ZFPM1: variants seen among roughly 807,000 people sequenced by gnomAD.
ZFPM1 encodes the protein zinc finger protein ZFPM1.
A neutral mutation model predicts 46.3 loss-of-function variants in ZFPM1; 28 were observed. That is an observed-to-expected ratio of 0.60 (90% CI 0.45 to 0.83). ZFPM1 has a LOEUF of 0.83. Ranked by LOEUF, ZFPM1 falls within the 40% of genes least tolerant of loss-of-function variation. The pLI is 0.00. For synonymous variants in ZFPM1, 957 were observed against 675.9 expected (o/e 1.42, Z -6.45); for missense variants, 1,878 against 1,432.4 (o/e 1.31, Z -5.02).
chr16:88,511,056 G>T (rs1037191408), intron 3 of ZFPM1, among the ~76,000 whole-genome samples: 2 of 152,138 alleles, frequency 1.3e-5, no homozygotes, highest in Non-Finnish European at 2.9e-5. Context: ...TCTCTGCTGG[G>T]CTCACCCAGT....
At chr16:88,502,065 C>CATTCATTCATTTATTT (rs1555525783) in intron 3 of ZFPM1, among the ~76,000 whole-genome samples, 1 of 72,904 alleles carries the variant, frequency 1.4e-5, no homozygotes, top group African/African-American at 5.1e-5. Context: ...CGCCCCCCCC[C>CATTCATTCATTTATTT]ATTTATTTAT....
At position 88,531,948 on chromosome 16, in the gene ZFPM1, C is replaced by T. The variant is rs1209142239; in HGVS notation, c.713-54C>T. ...GGCCCTGCCTCCGCCCACAGCCTTG[C>T]CCTGGCTGGCAGGCTGGCCTTCAGC... On this transcript the variant is annotated intron_variant, in intron 6 of 9. Transcript: ENST00000319555. 9 of 1,525,790 alleles carry T rather than the reference C, an allele frequency of 5.9e-6. No individual in the cohort carries two copies. The East Asian group carries it at 1.1e-4, about 19-fold the overall frequency. 94.5% of individuals were successfully genotyped at this position (1,525,790 alleles called of 1,614,324 possible). A position where few individuals can be genotyped will look rare whatever the true frequency, so the allele number is the denominator to read the frequency against.
chr16:88,481,161 C>G (rs1567532466), intron 1 of ZFPM1, among the ~76,000 whole-genome samples: 5 of 152,332 alleles, frequency 3.3e-5, no homozygotes, highest in Admixed American at 2.6e-4. Context: ...CTGTGATAAC[C>G]AAGGGGCTCC....
chr16:88,511,446 A>T (rs1017166284), intron 3 of ZFPM1, among the ~76,000 whole-genome samples: 1 of 151,962 alleles, frequency 6.6e-6, no homozygotes, highest in African/African-American at 2.4e-5. Context: ...CAGCCATTTC[A>T]GAGGCCATTT....
chr16:88,529,669 G>C lies in ZFPM1; in HGVS notation c.712+1431G>C, dbSNP rs936611862. On this transcript the variant is annotated intron_variant, in intron 6 of 9. Coordinates refer to ENST00000319555, the MANE Select transcript of ZFPM1 (RefSeq NM_153813.3). ...GGAGAGTGAGCTGAGATAGGTTAGA[G>C]GGGGTCCTGGAGGGCGGCAGGTGGT... Among the ~76,000 whole-genome samples the C allele has an allele frequency of 2.6e-5, 4 of 152,320 alleles. No individual in the cohort carries two copies. The South Asian group carries it at 8.3e-4, about 32-fold the overall frequency.
chr16:88,487,752 G>A (rs1443399864), intron 2 of ZFPM1, among the ~76,000 whole-genome samples: 1 of 152,188 alleles, frequency 6.6e-6, no homozygotes, highest in Non-Finnish European at 1.5e-5. Flanking sequence ...CTGCGCCTGG[G>A]CCCCTTTTTC....
intron 3 of ZFPM1, among the ~76,000 whole-genome samples, chr16:88,494,344 C>G (rs905288841): frequency 6.6e-6 from 1 of 151,974 alleles, no homozygotes. Context: ...CCCCCAAACC[C>G]CGTTACCCTC....
chr16:88,458,996 G>A (rs902186482), intron 1 of ZFPM1, among the ~76,000 whole-genome samples: 1 of 152,230 alleles, frequency 6.6e-6, no homozygotes, highest in Non-Finnish European at 1.5e-5. Flanking sequence ...GCAAGCTGCA[G>A]GCAGCGCATG....
chr16:88,520,790 TGAATA>T, intron 4 of ZFPM1, among the ~76,000 whole-genome samples: 1 of 103,634 alleles, frequency 9.6e-6, no homozygotes. Context: ...GATGGATGGA[TGAATA>T]GATGGATGGG....
At chr16:88,493,440 C>CGG (rs1909731998) in intron 3 of ZFPM1, among the ~76,000 whole-genome samples, 3 of 101,312 alleles carry the variant, frequency 3.0e-5, no homozygotes, top group African/African-American at 8.2e-5. Context: ...TCCCGGGGTA[C>CGG]GGAGAGCTGT....
chr16:88,458,054 C>A (rs1420386472), intron 1 of ZFPM1, among the ~76,000 whole-genome samples: 1 of 152,218 alleles, frequency 6.6e-6, no homozygotes, highest in Non-Finnish European at 1.5e-5. Flanking sequence ...AAAGCAGGTC[C>A]TCTTCTGATC....
intron 4 of ZFPM1, among the ~76,000 whole-genome samples, chr16:88,523,139 G>A (rs1420600722): frequency 7.3e-5 from 11 of 151,584 alleles, no homozygotes; most frequent in Non-Finnish European, 1.2e-4. Flanking sequence ...CCCGGAGGTG[G>A]AGGTTGCAGT....
At chr16:88,501,578 G>T (rs796219336) in intron 3 of ZFPM1, among the ~76,000 whole-genome samples, 5,022 of 80,510 alleles carry the variant, frequency 0.062, 711 homozygotes, top group East Asian at 0.11. Context: ...GAGATAGCGG[G>T]TGTGGGTGCA....
At chr16:88,483,715 G>C (rs575789985) in intron 1 of ZFPM1, among the ~76,000 whole-genome samples, 4 of 152,324 alleles carry the variant, frequency 2.6e-5, no homozygotes, top group African/African-American at 4.8e-5. Flanking sequence ...CTGCATCCTG[G>C]AACGGCACCT....
intron 4 of ZFPM1, among the ~76,000 whole-genome samples, chr16:88,525,171 G>A (rs895969507): frequency 6.8e-4 from 103 of 152,246 alleles, no homozygotes; most frequent in African/African-American, 2.5e-3. Flanking sequence ...ATACGGGTCT[G>A]GTCGTGCCCT....
rs1203200211 is a variant in ZFPM1 at position 88,461,023 on chromosome 16, G to A, written c.40+7345G>A. 8.2e-4 allele frequency among the ~76,000 whole-genome samples: 101 copies of A among 123,344 alleles called. 4 individuals are homozygous for A. Among genetic ancestry groups the A allele is most frequent in the African/African-American group, 3.3e-3 (92 of 27,818 alleles). 80.9% of individuals were successfully genotyped at this position (123,344 alleles called of 152,430 possible). On this transcript the variant is annotated intron_variant, in intron 1 of 9. Transcript: ENST00000319555. Reference sequence around the variant, plus strand: ...TGGTGAGGACCGAGGGGTGGGGCGGGAGGCCTGGTGAGGACCGAGGGGCGG... The same window carrying A: ...TGGTGAGGACCGAGGGGTGGGGCGGAAGGCCTGGTGAGGACCGAGGGGCGG...
At chr16:88,474,300 G>A (rs545165613) in intron 1 of ZFPM1, among the ~76,000 whole-genome samples, 2 of 152,346 alleles carry the variant, frequency 1.3e-5, no homozygotes, top group East Asian at 3.9e-4. Context: ...GGCAGGCTCA[G>A]GGCAGGGGGA....
chr16:88,533,187 A>G lies in ZFPM1; in HGVS notation c.1229A>G (p.Gln410Arg). The change falls in exon 10 of 10, where the codon CAA becomes CGA. Residue 410 changes from glutamine (Q) to arginine (R), a missense_variant. Coordinates refer to ENST00000319555, the MANE Select transcript of ZFPM1 (RefSeq NM_153813.3). Reference protein sequence around the residue: ...GSFQQQHTALQGPLASADLGL... With the variant: ...GSFQQQHTALRGPLASADLGL... ...TTCCAGCAGCAGCACACGGCCCTGC[A>G]AGGCCCCCTGGCCTCCGCGGACCTG... is the stretch of plus-strand genomic sequence containing the variant. The G allele has an allele frequency of 6.5e-7, 1 of 1,533,502 alleles. No homozygotes were observed. 95.0% of individuals were successfully genotyped at this position (1,533,502 alleles called of 1,614,324 possible).
chr16:88,502,070 ATTTAT>A (rs1910388833), intron 3 of ZFPM1, among the ~76,000 whole-genome samples: 53 of 23,820 alleles, frequency 2.2e-3, no homozygotes, highest in African/African-American at 4.8e-3. Flanking sequence ...CCCCCCATTT[ATTTAT>A]TTATTTATTT....
Sources: allele counts gnomAD v4.1 joint callset (sites outside exome capture counted in the v4.1 genomes callset), GRCh38; gene constraint gnomAD v4.1.1; transcripts MANE v1.5; gene names NCBI Gene and HGNC (gene_info 2026-07-23, HGNC 2026-07-21).